The following ME3 variants were observed in gnomAD, a reference collection of about 807,000 sequenced individuals.
ME3 encodes NADP-dependent malic enzyme, mitochondrial.
In ME3, 48 loss-of-function variants were observed where a neutral mutation model predicts 68.9. The observed-to-expected ratio is 0.70, with a 90% CI of 0.55 to 0.89. ME3 has a LOEUF of 0.89. ME3 is among the 40% of genes least tolerant of loss of function. The pLI is 0.00. For missense variants in ME3, 675 were observed against 797.4 expected (o/e 0.85, Z 1.85); for synonymous variants, 320 against 318.8 (o/e 1.00, Z -0.04).
At chr11:86,669,339 G>T (rs1946772258) in intron 2 of ME3, among the ~76,000 whole-genome samples, 1 of 152,214 alleles carries the variant, frequency 6.6e-6, no homozygotes, top group Non-Finnish European at 1.5e-5. Context: ...CAGGTCCTTA[G>T]ATTTATGGAT....
chr11:86,653,745 C>T (rs1945644842), intron 2 of ME3, among the ~76,000 whole-genome samples: 1 of 152,170 alleles, frequency 6.6e-6, no homozygotes, highest in African/African-American at 2.4e-5. Context: ...TAACTAAGAT[C>T]AGAGCTGAAC....
chr11:86,657,695 A>G (rs1042332941), intron 2 of ME3, among the ~76,000 whole-genome samples: 12 of 152,330 alleles, frequency 7.9e-5, no homozygotes, highest in Admixed American at 2.6e-4. Context: ...CCAAACTAGA[A>G]GAAAGACTCC....
intron 2 of ME3, among the ~76,000 whole-genome samples, chr11:86,603,818 C>G (rs1196631340): frequency 6.6e-6 from 1 of 151,218 alleles, no homozygotes; most frequent in Non-Finnish European, 1.5e-5. Context: ...AACTGGAAAT[C>G]ATCATTCTCA....
chr11:86,611,843 A>C (rs1261889988), intron 2 of ME3, among the ~76,000 whole-genome samples: 1 of 152,194 alleles, frequency 6.6e-6, no homozygotes, highest in Non-Finnish European at 1.5e-5. Flanking sequence ...AGTTGCTGAG[A>C]GGAACAAAGA....
intron 6 of ME3, among the ~76,000 whole-genome samples, chr11:86,487,747 T>C (rs1389680210): frequency 6.6e-6 from 1 of 152,200 alleles, no homozygotes; most frequent in Non-Finnish European, 1.5e-5. Flanking sequence ...TCAGGATTTC[T>C]CAACAGTGGC....
intron 4 of ME3, among the ~76,000 whole-genome samples, chr11:86,522,192 G>A (rs542199750): frequency 1.3e-5 from 2 of 152,212 alleles, no homozygotes; most frequent in Admixed American, 1.3e-4. Flanking sequence ...AGAGGTTGCA[G>A]TGAGCCAAGA....
At chr11:86,529,026 G>C (rs886417274) in intron 4 of ME3, among the ~76,000 whole-genome samples, 4 of 151,926 alleles carry the variant, frequency 2.6e-5, no homozygotes, top group African/African-American at 9.7e-5. Flanking sequence ...CTGAAGGAGA[G>C]AGAGACACAA....
At chr11:86,550,656 A>G (rs1212423737) in intron 4 of ME3, among the ~76,000 whole-genome samples, 1 of 152,166 alleles carries the variant, frequency 6.6e-6, no homozygotes, top group Non-Finnish European at 1.5e-5. Context: ...GATTGGGCAG[A>G]AGGCTGGTTT....
chr11:86,544,487 C>T (rs1956244164), intron 4 of ME3, among the ~76,000 whole-genome samples: 1 of 152,152 alleles, frequency 6.6e-6, no homozygotes, highest in African/African-American at 2.4e-5. Flanking sequence ...CCACTGATTC[C>T]ATAGAAGTAC....
chr11:86,534,405 T>C (rs1955502724), intron 4 of ME3, among the ~76,000 whole-genome samples: 1 of 152,198 alleles, frequency 6.6e-6, no homozygotes, highest in African/African-American at 2.4e-5. Context: ...CTGGGCGAGG[T>C]GGCTTACGCC....
At chr11:86,599,791 A>G (rs1295226865) in intron 2 of ME3, among the ~76,000 whole-genome samples, 4 of 152,200 alleles carry the variant, frequency 2.6e-5, no homozygotes, top group East Asian at 1.9e-4. Context: ...AGTGGGGGCC[A>G]ATATTCAACA....
rs183196728 is a variant in ME3, at chr11:86,631,658, C to A, written c.183+40104G>T. ...CATAATAAAGACAATTTGAGTGAAG[C>A]TTTAAAAATAACAGGCAATAATAAT... On this transcript the variant is annotated intron_variant, in intron 2 of 14. Transcript: ENST00000543262. 2.0e-5 allele frequency among the ~76,000 whole-genome samples: 3 copies of A among 152,242 alleles called. No individual in the cohort carries two copies. The East Asian group carries it at 5.8e-4, about 29-fold the overall frequency.
intron 7 of ME3, among the ~76,000 whole-genome samples, chr11:86,479,562 C>T (rs1373724431): frequency 1.3e-5 from 2 of 152,062 alleles, no homozygotes; most frequent in African/African-American, 4.8e-5. Flanking sequence ...TTCCTGTGTT[C>T]TTGCTTTTCT....
chr11:86,506,792 A>G (rs1040256170), intron 5 of ME3, among the ~76,000 whole-genome samples: 19 of 152,204 alleles, frequency 1.2e-4, no homozygotes, highest in African/African-American at 4.6e-4. Flanking sequence ...TGAAAGAGAT[A>G]ACTTTACAGG....
chr11:86,466,750 G>A (rs1950502521), intron 7 of ME3, among the ~76,000 whole-genome samples: 1 of 152,202 alleles, frequency 6.6e-6, no homozygotes, highest in Non-Finnish European at 1.5e-5. Context: ...AAGGCTGTTG[G>A]TAGAAGGACT....
intron 5 of ME3, among the ~76,000 whole-genome samples, chr11:86,505,619 C>A (rs1372780579): frequency 6.6e-6 from 1 of 152,196 alleles, no homozygotes; most frequent in Non-Finnish European, 1.5e-5. Context: ...GCTACAGCTG[C>A]CTCCACCACC....
chr11:86,445,089 T>C (rs1476341415), intron 13 of ME3, among the ~76,000 whole-genome samples: 2 of 152,208 alleles, frequency 1.3e-5, no homozygotes, highest in Non-Finnish European at 2.9e-5. Context: ...AGGACTTTGC[T>C]TTCAGGCTGA....
chr11:86,483,021 A>T (rs1279855065), intron 7 of ME3, among the ~76,000 whole-genome samples: 2 of 152,250 alleles, frequency 1.3e-5, no homozygotes, highest in Non-Finnish European at 2.9e-5. Flanking sequence ...ACAGATCAAG[A>T]GGCAAGTGAA....
intron 4 of ME3, among the ~76,000 whole-genome samples, chr11:86,540,275 G>T (rs561467551): frequency 6.6e-6 from 1 of 152,286 alleles, no homozygotes; most frequent in African/African-American, 2.4e-5. Flanking sequence ...TGTTGTTGTT[G>T]TTGCAAGCTG....
Sources: allele counts gnomAD v4.1 joint callset (sites outside exome capture counted in the v4.1 genomes callset), GRCh38; gene constraint gnomAD v4.1.1; transcripts MANE v1.5; gene names NCBI Gene and HGNC (gene_info 2026-07-23, HGNC 2026-07-21).